The following EPCAM variants were observed in gnomAD, a reference collection of about 807,000 sequenced individuals.
EPCAM encodes the protein adenocarcinoma-associated antigen.
In EPCAM, 39 loss-of-function variants were observed where a neutral mutation model predicts 40.0. That is an observed-to-expected ratio of 0.98 (90% CI 0.76 to 1.27). The LOEUF (loss-of-function observed/expected upper bound fraction) is 1.27, where lower values mean the gene tolerates loss of function less well. EPCAM is among the 50% of genes most tolerant of loss of function. EPCAM has a pLI of 0.00. For missense variants in EPCAM, 503 were observed against 381.2 expected (o/e 1.32, Z -2.66); for synonymous variants, 168 against 132.3 (o/e 1.27, Z -1.85).
chr2:47,377,626 C>G (rs1292337694), intron 5 of EPCAM: 2 of 288,092 alleles, frequency 6.9e-6, no homozygotes, highest in South Asian at 6.6e-5. Context: ...CTTAGTATCC[C>G]TAAAACATTT....
intron 1 of EPCAM, among the ~76,000 whole-genome samples, chr2:47,372,271 A>G (rs552880420): frequency 1.1e-4 from 16 of 152,292 alleles, no homozygotes; most frequent in African/African-American, 3.8e-4. Context: ...ATTTAAGAAA[A>G]TGGGGTGGGA....
rs373300694 is a variant in EPCAM, at chr2:47,379,375, CTG to C, written c.657+323_657+324del. 3.6e-3 allele frequency among the ~76,000 whole-genome samples: 547 copies of C among 152,252 alleles called. 3 individuals carry two copies. The highest frequency in any genetic ancestry group is 0.012 in the African/African-American group (506 of 41,532). ...ACAAATAAAAGTCTGTTAAAAAAGA[CTG>C]TAACTGATATGATTAAAATATTTTG... On this transcript the variant is annotated intron_variant, in intron 6 of 8. Transcript: ENST00000263735.
intron 1 of EPCAM, among the ~76,000 whole-genome samples, chr2:47,372,022 C>T (rs937879288): frequency 6.6e-6 from 1 of 151,992 alleles, no homozygotes; most frequent in African/African-American, 2.4e-5. Flanking sequence ...GATAGTCTTG[C>T]CTATTCGAAG....
intron 4 of EPCAM, 86 bp downstream of exon 4, chr2:47,375,385 T>TTA: frequency 2.3e-6 from 2 of 859,620 alleles, no homozygotes; most frequent in African/African-American, 3.3e-5. Flanking sequence ...CAAGTCTAAA[T>TTA]GCTTTTTTAT....
rs1258418235 is a variant in EPCAM, at chr2:47,379,934, G to C, written c.823G>C (p.Val275Leu). 6.2e-7 allele frequency: 1 copy of C among 1,613,866 alleles called. No individual in the cohort carries two copies. The highest frequency in any genetic ancestry group is 8.5e-7 in the Non-Finnish European group (1 of 1,179,840). Residue 275 changes from valine to leucine, a missense_variant, in exon 7 of 9, where the codon GTG becomes CTG. Val to Leu is a conservative substitution (Grantham distance 32, BLOSUM62 1). Transcript: ENST00000263735. ...KAGVIAVIVV[V>L]VIAVVAGIVV... Reference sequence around the variant, plus strand: ...TGGTGTTATTGCTGTTATTGTGGTTGTGGTGATAGCAGTTGTTGCTGGAAT... The same window carrying C: ...TGGTGTTATTGCTGTTATTGTGGTTCTGGTGATAGCAGTTGTTGCTGGAAT...
intron 7 of EPCAM, chr2:47,383,409 T>G (rs1671648482): frequency 6.6e-6 from 1 of 150,844 alleles, no homozygotes. Flanking sequence ...GTTCAATTGA[T>G]TCTCCTGCCT....
chr2:47,383,368 A>G (rs1371579958), intron 7 of EPCAM: 1 of 150,418 alleles, frequency 6.6e-6, no homozygotes, highest in African/African-American at 2.4e-5. Flanking sequence ...CAGTGTCATG[A>G]TCTCGGCTCA....
At chr2:47,374,842 T>C (rs1671380445) in intron 3 of EPCAM, among the ~76,000 whole-genome samples, 1 of 152,150 alleles carries the variant, frequency 6.6e-6, no homozygotes, top group Non-Finnish European at 1.5e-5. Flanking sequence ...TTCACCATGT[T>C]GGCCAGGCTG....
chr2:47,374,021 T>C lies in EPCAM; in HGVS notation c.398T>C (p.Ile133Thr), dbSNP rs1274213770. Residue 133 changes from isoleucine (I) to threonine (T), a missense_variant, in exon 3 of 9, where the codon ATA becomes ACA. Transcript: ENST00000263735. ...AGAAGAACAGACAAGGACACTGAAA[T>C]AACCTGCTCTGAGCGAGTGAGAACC... The part of the protein sequence containing the change: ...GVRRTDKDTE[I>T]TCSERVRTYW... 1 of 1,614,066 alleles carries C rather than the reference T, an allele frequency of 6.2e-7. No individual in the cohort carries two copies. The highest frequency in any genetic ancestry group is 8.5e-7 in the Non-Finnish European group (1 of 1,180,030).
intron 1 of EPCAM, among the ~76,000 whole-genome samples, chr2:47,370,639 C>A (rs1671236213): frequency 1.3e-5 from 2 of 152,092 alleles, no homozygotes; most frequent in Non-Finnish European, 2.9e-5. Context: ...ATGGCAAGAT[C>A]TTGACTCATT....
At chr2:47,376,498 G>C (rs1349583806) in intron 4 of EPCAM, among the ~76,000 whole-genome samples, 1 of 152,156 alleles carries the variant, frequency 6.6e-6, no homozygotes, top group Non-Finnish European at 1.5e-5. Context: ...AACCTCAGGT[G>C]ATCTGCCCAC....
chr2:47,373,362 G>T (rs1363459082), intron 1 of EPCAM, 101 bp from the exon 2 acceptor site: 6 of 793,016 alleles, frequency 7.6e-6, no homozygotes, highest in Non-Finnish European at 2.1e-6. Context: ...AAGGTTTTGT[G>T]TCCTTGTAAC....
intron 7 of EPCAM, chr2:47,383,044 C>G (rs188354794): frequency 6.6e-6 from 1 of 151,652 alleles, no homozygotes; most frequent in African/African-American, 2.4e-5. Context: ...TGGTGGCTCA[C>G]TGCTGTAATC....
At chr2:47,373,632 G>A (rs930633524) in intron 2 of EPCAM, 62 bp downstream of exon 2, 10 of 1,446,040 alleles carry the variant, frequency 6.9e-6, no homozygotes, top group Admixed American at 3.5e-5. Flanking sequence ...TTTAATTGAT[G>A]TGCCTTGAGT....
intron 1 of EPCAM, among the ~76,000 whole-genome samples, chr2:47,371,766 C>G (rs1396027099): frequency 6.6e-6 from 1 of 152,146 alleles, no homozygotes; most frequent in African/African-American, 2.4e-5. Context: ...AGAACAAGTG[C>G]TGTATTTTCC....
chr2:47,377,277 C>T (rs1425426372), intron 5 of EPCAM, among the ~76,000 whole-genome samples, 200 bp downstream of exon 5: 3 of 152,154 alleles, frequency 2.0e-5, no homozygotes, highest in Non-Finnish European at 4.4e-5. Flanking sequence ...TGCTCTCTTC[C>T]CCAGGCTGGA....
chr2:47,383,734 A>C (rs1234235715), intron 7 of EPCAM, among the ~76,000 whole-genome samples: 1 of 136,026 alleles, frequency 7.4e-6, no homozygotes, highest in Admixed American at 7.9e-5. Flanking sequence ...TCCCAGGTTC[A>C]AGCCATTTTC....
rs7584256 is a variant in EPCAM at position 47,385,085 on chromosome 2, C to T, written c.859-81C>T. 0.28 allele frequency: 286,224 copies of T among 1,011,288 alleles called. 43,193 individuals are homozygous for T. Among genetic ancestry groups the T allele is most frequent in the East Asian group, 0.52 (21,871 of 41,810 alleles). The allele number at this position is 1,011,288 out of a possible 1,614,324, so 62.6% of individuals were successfully genotyped here. A position where few individuals can be genotyped will look rare whatever the true frequency, so the allele number is the denominator to read the frequency against. On this transcript the variant is annotated intron_variant, in intron 7 of 8. Transcript: ENST00000263735. ...TTTTTTTTCAGATCAAAATTATGTCCATTAAAAGCATATATGTCTGTTTAG... is the reference window on the plus strand; with the variant it reads ...TTTTTTTTCAGATCAAAATTATGTCTATTAAAAGCATATATGTCTGTTTAG...
chr2:47,377,485 C>T (rs1671458430), intron 5 of EPCAM, among the ~76,000 whole-genome samples: 1 of 152,032 alleles, frequency 6.6e-6, no homozygotes, highest in South Asian at 2.1e-4. Context: ...GATCTGTCTG[C>T]CTCAGCCTCT....
Sources: allele counts gnomAD v4.1 joint callset (sites outside exome capture counted in the v4.1 genomes callset), GRCh38; gene constraint gnomAD v4.1.1; transcripts MANE v1.5; gene names NCBI Gene and HGNC (gene_info 2026-07-23, HGNC 2026-07-21).